The following DYNC1H1 variants were observed in gnomAD, a reference collection of about 807,000 sequenced individuals.
DYNC1H1 encodes the protein cytoplasmic dynein 1 heavy chain 1.
Under a neutral mutation model 527.1 loss-of-function variants are expected in DYNC1H1, and 51 were observed. The observed-to-expected ratio is 0.10, with a 90% confidence interval of 0.08 to 0.12. The LOEUF is 0.12. Ranked by LOEUF, DYNC1H1 falls within the 10% of genes least tolerant of loss-of-function variation. The pLI, the probability that DYNC1H1 is intolerant of heterozygous loss-of-function variation, is 1.00. For synonymous variants in DYNC1H1, 2,189 were observed against 2,278.8 expected (o/e 0.96, Z 1.12); for missense variants, 2,771 against 5,971.8 (o/e 0.46, Z 17.66).
chr14:102,032,902 A>G (rs938569047), intron 52 of DYNC1H1, 163 bp from the exon 53 acceptor site: 4 of 706,910 alleles, frequency 5.7e-6, no homozygotes, highest in Non-Finnish European at 9.8e-6. Context: ...GCACATTTTC[A>G]GCTTTCACCT....
intron 11 of DYNC1H1, among the ~76,000 whole-genome samples, chr14:101,992,390 G>A (rs998793176): frequency 2.6e-5 from 4 of 152,154 alleles, no homozygotes; most frequent in Non-Finnish European, 5.9e-5. Context: ...TCAGAACCAA[G>A]CTATGGATAT....
intron 16 of DYNC1H1, among the ~76,000 whole-genome samples, chr14:101,998,561 C>G (rs1448798639): frequency 2.6e-5 from 4 of 152,156 alleles, no homozygotes; most frequent in Non-Finnish European, 5.9e-5. Context: ...CTGTTTTTCT[C>G]ATTTGGGGAT....
At chr14:101,990,901 C>T (rs1443243124) in intron 10 of DYNC1H1, among the ~76,000 whole-genome samples, 8 of 150,986 alleles carry the variant, frequency 5.3e-5, no homozygotes, top group African/African-American at 1.7e-4. Flanking sequence ...CCCAGCTACT[C>T]GGGAGGCTGA....
At position 102,001,931 on chromosome 14, in the gene DYNC1H1, G is replaced by A. The variant is rs2048135455; in HGVS notation, c.4542+250G>A. 6.6e-6 allele frequency among the ~76,000 whole-genome samples: 1 copy of A among 151,978 alleles called. No homozygotes were observed. The highest frequency in any genetic ancestry group is 1.5e-5 in the Non-Finnish European group (1 of 68,000). ...TGGGACCACAGGCACATGCCACCAT[G>A]CTGGGCTAGCTTTTTATTTTTTGTA... On this transcript the variant is annotated intron_variant, in intron 21 of 77. Transcript: ENST00000360184. This position sits in a 1 kb window ranked among gnomAD's most constrained non-coding sequence, Gnocchi z 5.0.
At chr14:102,046,214 C>T (rs1365853187) in intron 72 of DYNC1H1, among the ~76,000 whole-genome samples, 1 of 152,040 alleles carries the variant, frequency 6.6e-6, no homozygotes, top group Admixed American at 6.5e-5. Flanking sequence ...TGCCCAGGCG[C>T]ACTCTATCAG....
chr14:102,021,611 C>T (rs2048384693), intron 42 of DYNC1H1, among the ~76,000 whole-genome samples: 2 of 151,610 alleles, frequency 1.3e-5, no homozygotes, highest in Admixed American at 6.6e-5. Context: ...AGTCTTACAC[C>T]TCTAAAACTA....
intron 34 of DYNC1H1, among the ~76,000 whole-genome samples, chr14:102,013,782 C>A (rs1476862573): frequency 2.6e-5 from 4 of 152,120 alleles, no homozygotes; most frequent in African/African-American, 9.7e-5. Context: ...GCCAGGAGGC[C>A]AGTTGGAGAC....
In DYNC1H1 at chr14:102,054,564, C is replaced by CA. The variant is rs1555413112; in HGVS notation, c.*4001_*4002insA. The CA allele has an allele frequency of 8.8e-6, 1 of 113,820 alleles. No individual in the cohort carries two copies. Among genetic ancestry groups the CA allele is most frequent in the African/African-American group, 3.8e-5 (1 of 25,992 alleles). The allele number at this position is 113,820 out of a possible 1,614,324, so 7.1% of individuals were successfully genotyped here. A position where few individuals can be genotyped will look rare whatever the true frequency, so the allele number is the denominator to read the frequency against. Reference sequence around the variant, plus strand: ...CATCACCAACAGAGCCTTTGCAGAACTTTTTTTTTTTTTTTTTTTTTTGAG... The same window carrying CA: ...CATCACCAACAGAGCCTTTGCAGAACATTTTTTTTTTTTTTTTTTTTTTGAG... On this transcript the variant is annotated 3_prime_UTR_variant, in exon 78 of 78. Coordinates refer to ENST00000360184, the MANE Select transcript of DYNC1H1 (RefSeq NM_001376.5).
At position 102,018,730 on chromosome 14, in the gene DYNC1H1, G is replaced by A. The variant is rs2048353120; in HGVS notation, c.8343+114G>A. 7.1e-7 allele frequency: 1 copy of A among 1,400,466 alleles called. No homozygotes were observed. The highest frequency in any genetic ancestry group is 1.4e-5 in the African/African-American group (1 of 70,532). 86.8% of individuals were successfully genotyped at this position (1,400,466 alleles called of 1,614,324 possible). A position where few individuals can be genotyped will look rare whatever the true frequency, so the allele number is the denominator to read the frequency against. On this transcript the variant is annotated intron_variant, in intron 41 of 77. Transcript: ENST00000360184. This position sits in a 1 kb window ranked among gnomAD's most constrained non-coding sequence, Gnocchi z 5.2. ...AATCCCAGCATTTTGGGAGGCCAAG[G>A]TGGGTGGATCCTTTGAGCCCAGGAG... is the stretch of plus-strand genomic sequence containing the variant.
In DYNC1H1 at chr14:101,984,381, G is replaced by GTA. The variant is rs199689062; in HGVS notation, c.1461+782_1461+783dup. ...GTGATTCTGTATTGTGTGTGTGTGT[G>GTA]TATATATATATGCGTATATATGTGT... On this transcript the variant is annotated intron_variant, in intron 7 of 77. Coordinates refer to ENST00000360184, the MANE Select transcript of DYNC1H1 (RefSeq NM_001376.5). Among the ~76,000 whole-genome samples the GTA allele has an allele frequency of 2.9e-3, 376 of 128,658 alleles. 1 individual carries two copies. Among genetic ancestry groups the GTA allele is most frequent in the African/African-American group, 0.012 (346 of 29,592 alleles). 84.4% of individuals were successfully genotyped at this position (128,658 alleles called of 152,430 possible).
At position 102,053,868 on chromosome 14, in the gene DYNC1H1, TC is replaced by T; in HGVS notation, c.*3309del. On this transcript the variant is annotated 3_prime_UTR_variant, in exon 78 of 78. Transcript: ENST00000360184. The stretch of plus-strand genomic sequence containing the variant: ...CTTAAGTGATCCTCCCACCTCAGCC[TC>T]CCCAGACTACAGGTGCACACCACCA... The T allele has an allele frequency of 6.7e-6, 1 of 149,262 alleles. No individual in the cohort carries two copies. The highest frequency in any genetic ancestry group is 2.0e-4 in the East Asian group (1 of 5,010). 9.2% of individuals were successfully genotyped at this position (149,262 alleles called of 1,614,324 possible).
At chr14:101,966,783 G>T (rs2047673087) in intron 1 of DYNC1H1, among the ~76,000 whole-genome samples, 1 of 151,740 alleles carries the variant, frequency 6.6e-6, no homozygotes, top group East Asian at 1.9e-4. Context: ...CCAGTAATTC[G>T]CTTTTTCCAG....
chr14:102,038,672 G>A lies in DYNC1H1; in HGVS notation c.11056-26G>A. ...GTGGTTTTGAAACTGGATTAAGACA[G>A]ACTGTTCTGTTACCTATTTTGGCAG... is the stretch of plus-strand genomic sequence containing the variant. On this transcript the variant is annotated intron_variant, in intron 58 of 77. Transcript: ENST00000360184. This position sits in a 1 kb window ranked among gnomAD's most constrained non-coding sequence, Gnocchi z 7.2. 6.2e-7 allele frequency: 1 copy of A among 1,614,236 alleles called. No individual in the cohort carries two copies. Among genetic ancestry groups the A allele is most frequent in the Non-Finnish European group, 8.5e-7 (1 of 1,180,052 alleles).
intron 7 of DYNC1H1, among the ~76,000 whole-genome samples, chr14:101,984,714 C>T (rs1396280834): frequency 1.3e-5 from 2 of 150,532 alleles, no homozygotes; most frequent in East Asian, 4.0e-4. Flanking sequence ...AGGCGGATCA[C>T]GAGGTCAGAA....
At chr14:101,992,899 C>G (rs924013691) in intron 11 of DYNC1H1, among the ~76,000 whole-genome samples, 3 of 152,206 alleles carry the variant, frequency 2.0e-5, no homozygotes, top group African/African-American at 7.2e-5. Context: ...TAAACTCCCT[C>G]TAAATGTTCT....
At chr14:101,981,801 CAATA>C (rs2047868135) in intron 5 of DYNC1H1, among the ~76,000 whole-genome samples, 1 of 152,070 alleles carries the variant, frequency 6.6e-6, no homozygotes, top group South Asian at 2.1e-4. Flanking sequence ...CAAAGAAAGT[CAATA>C]AATAGATTAG....
intron 27 of DYNC1H1, 128 bp from the exon 28 acceptor site, chr14:102,006,880 A>G: frequency 1.0e-6 from 1 of 992,584 alleles, no homozygotes; most frequent in South Asian, 1.4e-5. Context: ...GATTACAGGC[A>G]TGAGCCACCC....
In DYNC1H1 at chr14:102,055,448, T is replaced by G. The variant is rs892215268; in HGVS notation, c.*4885T>G. 1 of 152,396 alleles carries G rather than the reference T, an allele frequency of 6.6e-6. No individual in the cohort carries two copies. The highest frequency in any genetic ancestry group is 2.4e-5 in the African/African-American group (1 of 41,390). The allele number at this position is 152,396 out of a possible 1,614,324, so 9.4% of individuals were successfully genotyped here. On this transcript the variant is annotated 3_prime_UTR_variant, in exon 78 of 78. Transcript: ENST00000360184. ...CTGAAGCTGGGAGAACATGACCCCA[T>G]GCTCTCCTGTTGGAGTCACCACCTC... is the stretch of plus-strand genomic sequence containing the variant.
At chr14:102,046,277 G>A (rs949988245) in intron 72 of DYNC1H1, among the ~76,000 whole-genome samples, 3 of 152,270 alleles carry the variant, frequency 2.0e-5, no homozygotes, top group Middle Eastern at 3.4e-3. Flanking sequence ...AGCACTACAC[G>A]TGGGGTTGAC....
Sources: gnomAD v4.1 joint callset for allele counts (sites outside exome capture counted in the v4.1 genomes callset) on GRCh38, gnomAD v4.1.1 for gene constraint, Gnocchi (gnomAD v3.1) non-coding constraint, MANE v1.5 for transcripts, NCBI Gene and HGNC (gene_info 2026-07-23, HGNC 2026-07-21) for gene names.